The following ESCO2 variants were observed in gnomAD, a reference collection of about 807,000 sequenced individuals.
The protein encoded by ESCO2 is establishment of sister chromatid cohesion N-acetyltransferase 2, also known as N-acetyltransferase ESCO2.
In ESCO2, 51 loss-of-function variants were observed where a neutral mutation model predicts 61.7. The observed-to-expected ratio is 0.83, with a 90% CI of 0.66 to 1.04. The LOEUF (loss-of-function observed/expected upper bound fraction) is 1.04, where lower values mean the gene tolerates loss of function less well. ESCO2 is among the 50% of genes least tolerant of loss of function. The probability of loss-of-function intolerance (pLI) is 0.00; values close to 1 mark genes in which losing one functional copy is unlikely to be tolerated. For missense variants in ESCO2, 692 were observed against 686.2 expected (o/e 1.01, Z -0.09); for synonymous variants, 230 against 238.2 (o/e 0.97, Z 0.32).
intron 7 of ESCO2, among the ~76,000 whole-genome samples, chr8:27,791,664 ACCCACC>A (rs1805178395): frequency 6.6e-6 from 1 of 151,898 alleles, no homozygotes; most frequent in African/African-American, 2.4e-5. Context: ...CAAGTGATCC[ACCCACC>A]CGGGCCTCCC....
chr8:27,788,681 G>A (rs1441593184), intron 6 of ESCO2, among the ~76,000 whole-genome samples, 166 bp from the exon 7 acceptor site: 5 of 151,982 alleles, frequency 3.3e-5, no homozygotes, highest in South Asian at 2.1e-4. Flanking sequence ...ATTTTGTCTT[G>A]GGGGAGGGAA....
rs1461896343 is a variant in ESCO2 at position 27,792,182 on chromosome 8, A to AG, written c.1353+130_1353+131insG. 3 of 850,508 alleles carry AG rather than the reference A, an allele frequency of 3.5e-6. No homozygotes were observed. The African/African-American group carries it at 5.0e-5, about 14-fold the overall frequency. 52.7% of individuals were successfully genotyped at this position (850,508 alleles called of 1,614,324 possible). On this transcript the variant is annotated intron_variant, in intron 8 of 10. Coordinates refer to ENST00000305188, the MANE Select transcript of ESCO2 (RefSeq NM_001017420.3). ...CTGCTTAATGATTACTTTCATAGCA[A>AG]TTTATACAAAACTAAGAATTGTAGG...
intron 8 of ESCO2, among the ~76,000 whole-genome samples, chr8:27,792,287 C>T (rs541875920): frequency 6.6e-6 from 1 of 152,206 alleles, no homozygotes; most frequent in African/African-American, 2.4e-5. Flanking sequence ...ATAAACTAAG[C>T]TTTCAATGTT....
In ESCO2 at chr8:27,803,393, G is replaced by A. The variant is rs1470919464; in HGVS notation, c.1761G>A (p.Lys587=). 1 of 1,613,770 alleles carries A rather than the reference G, an allele frequency of 6.2e-7. No individual in the cohort carries two copies. The highest frequency in any genetic ancestry group is 1.1e-5 in the South Asian group (1 of 91,072). Residue 587 remains lysine, a synonymous_variant, in exon 11 of 11, where the codon AAG becomes AAA. Coordinates refer to ENST00000305188, the MANE Select transcript of ESCO2 (RefSeq NM_001017420.3). Reference sequence around the variant, plus strand: ...CAGATGGCAAGTTATTTGCAACCAAGTACTGCAACACCCCTAATTTCCTCG... The same window carrying A: ...CAGATGGCAAGTTATTTGCAACCAAATACTGCAACACCCCTAATTTCCTCG... ...PTPDGKLFAT[K]YCNTPNFLVY...
intron 9 of ESCO2, among the ~76,000 whole-genome samples, chr8:27,793,166 A>G (rs1805215932): frequency 6.6e-6 from 1 of 152,190 alleles, no homozygotes; most frequent in East Asian, 1.9e-4. Flanking sequence ...ATTAGAATCT[A>G]ATTTAGGTAC....
chr8:27,786,491 C>G (rs1025012342), intron 5 of ESCO2, among the ~76,000 whole-genome samples: 1 of 152,246 alleles, frequency 6.6e-6, no homozygotes, highest in African/African-American at 2.4e-5. Context: ...AGTTTGCCAA[C>G]AACCTGCATT....
At chr8:27,800,973 C>T (rs534014427) in intron 10 of ESCO2, among the ~76,000 whole-genome samples, 3 of 152,118 alleles carry the variant, frequency 2.0e-5, no homozygotes, top group Admixed American at 6.5e-5. Context: ...ATAATGAGTA[C>T]GGGGTTTGGG....
downstream of ESCO2, among the ~76,000 whole-genome samples, chr8:27,814,519 T>C (rs1205417235): frequency 6.6e-6 from 1 of 152,156 alleles, no homozygotes; most frequent in East Asian, 1.9e-4. Context: ...TTTTATTTCA[T>C]TGATTTCTGC....
At chr8:27,816,118 T>G (rs527970386), downstream of ESCO2, among the ~76,000 whole-genome samples, 1 of 151,984 alleles carries the variant, frequency 6.6e-6, no homozygotes, top group East Asian at 1.9e-4. Flanking sequence ...ACATCTAGAC[T>G]AGGTTAAGGG....
the ESCO2 span, among the ~76,000 whole-genome samples, chr8:27,818,055 T>C: frequency 6.6e-6 from 1 of 152,188 alleles, no homozygotes; most frequent in Non-Finnish European, 1.5e-5. Flanking sequence ...TCCAATGCTT[T>C]TTCACCCTCC....
intron 4 of ESCO2, among the ~76,000 whole-genome samples, chr8:27,782,807 T>A (rs923858074): frequency 6.6e-6 from 1 of 151,950 alleles, no homozygotes; most frequent in Admixed American, 6.6e-5. Context: ...TTTGTCTTTA[T>A]CCTTATAACT....
At chr8:27,777,629 A>G (rs1804827048) in intron 3 of ESCO2, 1 of 153,780 alleles carries the variant, frequency 6.5e-6, no homozygotes, top group Non-Finnish European at 1.4e-5. Context: ...CAATAGTTAC[A>G]TGTAGCTGGT....
chr8:27,797,127 A>T (rs1205500639), intron 9 of ESCO2, among the ~76,000 whole-genome samples: 1 of 145,754 alleles, frequency 6.9e-6, no homozygotes, highest in South Asian at 2.2e-4. Flanking sequence ...AGAAAAAAAA[A>T]GTTCATTTCC....
intron 3 of ESCO2, chr8:27,778,980 A>C (rs1203956575): frequency 6.6e-6 from 1 of 152,362 alleles, no homozygotes; most frequent in Non-Finnish European, 1.5e-5. Flanking sequence ...CAGTGGCATG[A>C]TCTCAACTCA....
downstream of ESCO2, among the ~76,000 whole-genome samples, chr8:27,813,019 A>G (rs1397100703): frequency 1.3e-5 from 2 of 152,208 alleles, no homozygotes; most frequent in Non-Finnish European, 2.9e-5. Flanking sequence ...ACACATGTAC[A>G]CGTTTATGTT....
At chr8:27,805,982 G>T (rs567468175), downstream of ESCO2, among the ~76,000 whole-genome samples, 120 of 152,208 alleles carry the variant, frequency 7.9e-4, no homozygotes, top group Admixed American at 1.6e-3. Flanking sequence ...GGGCTCTTTG[G>T]AGAAATGGCT....
At chr8:27,809,386 G>C (rs933002509), downstream of ESCO2, among the ~76,000 whole-genome samples, 1 of 152,126 alleles carries the variant, frequency 6.6e-6, no homozygotes, top group Non-Finnish European at 1.5e-5. Flanking sequence ...TTCTGAGAAC[G>C]CCCTGTGTCG....
At chr8:27,802,013 T>C (rs1805439931) in intron 10 of ESCO2, among the ~76,000 whole-genome samples, 1 of 123,126 alleles carries the variant, frequency 8.1e-6, no homozygotes, top group Admixed American at 1.1e-4. Context: ...ACATTCAGCA[T>C]TTAGTTTTCA....
At chr8:27,790,395 GAA>G (rs940702166) in intron 7 of ESCO2, among the ~76,000 whole-genome samples, 28 of 152,096 alleles carry the variant, frequency 1.8e-4, no homozygotes, top group African/African-American at 6.0e-4. Context: ...TATATCCAGT[GAA>G]AAGTGTTTCT....
Sources: allele counts gnomAD v4.1 joint callset (sites outside exome capture counted in the v4.1 genomes callset), GRCh38; gene constraint gnomAD v4.1.1; transcripts MANE v1.5; gene names NCBI Gene and HGNC (gene_info 2026-07-23, HGNC 2026-07-21).